COL26A1: variants seen among roughly 807,000 people sequenced by gnomAD.
COL26A1 encodes collagen type XXVI alpha 1 chain, also known as collagen alpha-1(XXVI) chain.
A neutral mutation model predicts 59.3 loss-of-function variants in COL26A1; 41 were observed. The observed-to-expected ratio is 0.69, with a 90% confidence interval of 0.54 to 0.90. COL26A1 has a LOEUF of 0.90. Among genes scored for constraint, COL26A1 ranks in the 40% least tolerant of loss-of-function variants. The pLI is 0.00. For synonymous variants in COL26A1, 266 were observed against 256.0 expected (o/e 1.04, Z -0.37); for missense variants, 612 against 602.3 (o/e 1.02, Z -0.17).
At chr7:101,483,990 A>AGTGTGTGTGTGTGTGTGTGTGTGTGTGT (rs55863250) in intron 3 of COL26A1, among the ~76,000 whole-genome samples, 3 of 128,004 alleles carry the variant, frequency 2.3e-5, no homozygotes, top group African/African-American at 8.9e-5. Flanking sequence ...AACTTTTTAA[A>AGTGTGTGTGTGTGTGTGTGTGTGTGTGT]GTGTGTGTGT....
At chr7:101,485,743 G>A (rs1794254222) in intron 3 of COL26A1, among the ~76,000 whole-genome samples, 1 of 152,132 alleles carries the variant, frequency 6.6e-6, no homozygotes, top group Non-Finnish European at 1.5e-5. Flanking sequence ...TATGTGCTGG[G>A]GCTACAGGTG....
rs1295175025 is a variant in COL26A1 at position 101,386,260 on chromosome 7, T to G, written c.158+23070T>G. ...TCCTCTGGTCCTGTCCTAGCTTGTT[T>G]TTTTTTTTTTTTTTTTTTTTAATTT... On this transcript the variant is annotated intron_variant, in intron 1 of 12. Transcript: ENST00000313669. Among the ~76,000 whole-genome samples the G allele has an allele frequency of 7.0e-5, 10 of 142,304 alleles. No individual in the cohort carries two copies. The South Asian group carries it at 1.4e-3, about 20-fold the overall frequency. The allele number at this position is 142,304 out of a possible 152,430, so 93.4% of individuals were successfully genotyped here. A position where few individuals can be genotyped will look rare whatever the true frequency, so the allele number is the denominator to read the frequency against.
At chr7:101,549,402 G>T (rs1397498845) in intron 9 of COL26A1, among the ~76,000 whole-genome samples, 179 bp downstream of exon 9, 1 of 152,116 alleles carries the variant, frequency 6.6e-6, no homozygotes, top group Non-Finnish European at 1.5e-5. Context: ...TTATTTTTGA[G>T]ATGGAGTCTC....
upstream of COL26A1, among the ~76,000 whole-genome samples, chr7:101,362,485 C>A (rs1015401938): frequency 1.3e-5 from 2 of 152,196 alleles, no homozygotes; most frequent in African/African-American, 4.8e-5. Context: ...GCACAAGGAT[C>A]GGAAGACTCG....
chr7:101,399,409 C>T (rs1439976632), intron 1 of COL26A1, among the ~76,000 whole-genome samples: 1 of 152,144 alleles, frequency 6.6e-6, no homozygotes, highest in African/African-American at 2.4e-5. Context: ...CTGGAACCTC[C>T]ATCTCCTGTG....
intron 8 of COL26A1, 88 bp downstream of exon 8, chr7:101,547,327 C>T (rs922495750): frequency 2.4e-4 from 206 of 866,500 alleles, no homozygotes; most frequent in South Asian, 1.0e-3. Flanking sequence ...AGCTGGAGGT[C>T]GGCTGGCGGT....
chr7:101,545,227 TG>T, intron 6 of COL26A1, 110 bp from the exon 7 acceptor site: 3 of 964,062 alleles, frequency 3.1e-6, no homozygotes, highest in Non-Finnish European at 3.0e-6. Flanking sequence ...TGACTGCCTG[TG>T]GGCCCCTGAC....
chr7:101,551,745 C>CAAAAAAAA (rs11351013), intron 10 of COL26A1, among the ~76,000 whole-genome samples: 1 of 137,618 alleles, frequency 7.3e-6, no homozygotes, highest in African/African-American at 2.7e-5. Context: ...GACTCCATCT[C>CAAAAAAAA]AAAAAAAAAA....
chr7:101,458,809 T>A (rs1562990613), intron 3 of COL26A1, among the ~76,000 whole-genome samples: 1 of 151,236 alleles, frequency 6.6e-6, no homozygotes, highest in Non-Finnish European at 1.5e-5. Context: ...TGGGTCTTTT[T>A]TTTTTTTTTG....
At chr7:101,549,635 G>A (rs527370077) in intron 9 of COL26A1, among the ~76,000 whole-genome samples, 1 of 152,326 alleles carries the variant, frequency 6.6e-6, no homozygotes, top group East Asian at 1.9e-4. Context: ...ATCCGCCTCA[G>A]CCTCCCAAAG....
chr7:101,421,651 G>GAA (rs34559844), intron 2 of COL26A1, among the ~76,000 whole-genome samples: 17 of 142,450 alleles, frequency 1.2e-4, no homozygotes, highest in Middle Eastern at 3.6e-3. Context: ...CTCCAGCCTG[G>GAA]AAAAAAAAAA....
At chr7:101,417,367 G>T (rs117815901) in intron 1 of COL26A1, among the ~76,000 whole-genome samples, 3 of 147,352 alleles carry the variant, frequency 2.0e-5, no homozygotes, top group Non-Finnish European at 4.5e-5. Context: ...TCTCCTGGAG[G>T]TCACAAGCTT....
intron 2 of COL26A1, among the ~76,000 whole-genome samples, chr7:101,420,979 G>T (rs1792505928): frequency 6.6e-6 from 1 of 152,090 alleles, no homozygotes; most frequent in Non-Finnish European, 1.5e-5. Flanking sequence ...AGCCTGCCCA[G>T]CCTGGGGCCT....
At chr7:101,387,619 TTCTCTCTCTCGCTC>T (rs1791607942) in intron 1 of COL26A1, among the ~76,000 whole-genome samples, 1 of 131,332 alleles carries the variant, frequency 7.6e-6, no homozygotes, top group African/African-American at 3.1e-5. Flanking sequence ...GTGTGAAGCA[TTCTCTCTCTCGCTC>T]TCTCTCTCTC....
At chr7:101,503,555 G>A (rs12531666) in intron 3 of COL26A1, among the ~76,000 whole-genome samples, 14,841 of 152,188 alleles carry the variant, frequency 0.098, 740 homozygotes, top group South Asian at 0.11. Flanking sequence ...GCTAATGTTC[G>A]TATTTTTTTA....
Position 101,558,445 on chromosome 7 carries a change from T to G in COL26A1, c.*915T>G, listed in dbSNP as rs1434305083. 6.6e-6 allele frequency: 1 copy of G among 152,188 alleles called. No homozygotes were observed. The highest frequency in any genetic ancestry group is 2.4e-5 in the African/African-American group (1 of 41,410). The allele number at this position is 152,188 out of a possible 1,614,324, so 9.4% of individuals were successfully genotyped here. On this transcript the variant is annotated 3_prime_UTR_variant, in exon 13 of 13. Coordinates refer to ENST00000313669, the MANE Select transcript of COL26A1 (RefSeq NM_001278563.3). Reference sequence around the variant, plus strand: ...ATTTCATGGGCATGTCTATCAGAGGTGGGACTTGCAGCCTCTGCCCCACGA... The same window carrying G: ...ATTTCATGGGCATGTCTATCAGAGGGGGGACTTGCAGCCTCTGCCCCACGA...
chr7:101,445,157 C>A (rs1793157245), intron 2 of COL26A1, among the ~76,000 whole-genome samples: 1 of 151,952 alleles, frequency 6.6e-6, no homozygotes, highest in African/African-American at 2.4e-5. Context: ...TTTATGTTTA[C>A]TATTATTTTT....
chr7:101,403,479 A>T (rs1334936916), intron 1 of COL26A1, among the ~76,000 whole-genome samples: 2 of 152,104 alleles, frequency 1.3e-5, no homozygotes, highest in African/African-American at 2.4e-5. Flanking sequence ...AGATTATGCT[A>T]CTGCACTCCA....
intron 3 of COL26A1, among the ~76,000 whole-genome samples, chr7:101,517,147 C>T (rs934089652): frequency 1.3e-5 from 2 of 152,112 alleles, no homozygotes; most frequent in African/African-American, 4.8e-5. Context: ...CCCGCCTGAG[C>T]TGACATCACT....
Sources: gnomAD v4.1 joint callset for allele counts (sites outside exome capture counted in the v4.1 genomes callset) on GRCh38, gnomAD v4.1.1 for gene constraint, MANE v1.5 for transcripts, NCBI Gene and HGNC (gene_info 2026-07-23, HGNC 2026-07-21) for gene names.